SYT1: variants seen among roughly 807,000 people sequenced by gnomAD.
SYT1 encodes synaptotagmin 1, also known as synaptotagmin-1.
Under a neutral mutation model 44.8 loss-of-function variants are expected in SYT1, and 8 were observed. The ratio of observed to expected loss-of-function variants is 0.18; its 90% confidence interval spans 0.10 to 0.32. The LOEUF is 0.32. Among genes scored for constraint, SYT1 ranks in the 10% least tolerant of loss-of-function variants. SYT1 has a pLI of 1.00. For missense variants in SYT1, 286 were observed against 509.3 expected (o/e 0.56, Z 4.22); for synonymous variants, 154 against 188.8 (o/e 0.82, Z 1.51).
chr12:79,277,134 A>G (rs928687417), intron 4 of SYT1, among the ~76,000 whole-genome samples: 1 of 152,218 alleles, frequency 6.6e-6, no homozygotes, highest in Non-Finnish European at 1.5e-5. Context: ...CAAAAAGCTC[A>G]AAGAACTCCT....
chr12:79,003,285 G>A (rs1870861949), intron 2 of SYT1, among the ~76,000 whole-genome samples: 1 of 151,806 alleles, frequency 6.6e-6, no homozygotes, highest in Non-Finnish European at 1.5e-5. Flanking sequence ...GAAATTACTT[G>A]TCTAGAACTG....
intron 9 of SYT1, among the ~76,000 whole-genome samples, chr12:79,386,201 A>G (rs951628934): frequency 2.0e-5 from 3 of 152,210 alleles, no homozygotes; most frequent in African/African-American, 7.2e-5. Context: ...AAGTTATTAG[A>G]TTCTTTACAA....
At chr12:79,254,078 G>A (rs1383451384) in intron 4 of SYT1, among the ~76,000 whole-genome samples, 1 of 152,184 alleles carries the variant, frequency 6.6e-6, no homozygotes, top group Admixed American at 6.5e-5. Context: ...ACTGATGAAG[G>A]TGGCCACACT....
intron 3 of SYT1, among the ~76,000 whole-genome samples, chr12:79,191,081 T>A (rs1426742524): frequency 1.5e-5 from 2 of 131,358 alleles, no homozygotes; most frequent in African/African-American, 2.9e-5. Context: ...TAATTTGTAC[T>A]GAAAAAAACA....
chr12:79,138,694 C>T (rs577106696), intron 3 of SYT1, among the ~76,000 whole-genome samples: 99 of 152,232 alleles, frequency 6.5e-4, no homozygotes, highest in African/African-American at 2.2e-3. Flanking sequence ...CATAAACAAA[C>T]GATGCCTGGC....
intron 9 of SYT1, among the ~76,000 whole-genome samples, chr12:79,397,100 G>A (rs981674395): frequency 1.3e-5 from 2 of 152,178 alleles, no homozygotes; most frequent in African/African-American, 4.8e-5. Context: ...CCAGAACTTG[G>A]CCCAGCACTG....
At chr12:79,311,809 A>G (rs1880812607) in intron 8 of SYT1, among the ~76,000 whole-genome samples, 1 of 143,214 alleles carries the variant, frequency 7.0e-6, no homozygotes, top group East Asian at 2.2e-4. Context: ...ATAGGTGGGA[A>G]TTGAACAATG....
chr12:79,122,175 G>T (rs1228091451), intron 3 of SYT1, among the ~76,000 whole-genome samples: 2 of 152,210 alleles, frequency 1.3e-5, no homozygotes, highest in Non-Finnish European at 2.9e-5. Flanking sequence ...AGAAATAAAA[G>T]ACTGTAGAAA....
At chr12:79,123,941 T>G (rs1481258986) in intron 3 of SYT1, among the ~76,000 whole-genome samples, 1 of 152,204 alleles carries the variant, frequency 6.6e-6, no homozygotes, top group Non-Finnish European at 1.5e-5. Flanking sequence ...AGAAATATAT[T>G]TCCCACCCTG....
chr12:79,174,892 C>T (rs543012696), intron 3 of SYT1, among the ~76,000 whole-genome samples: 1 of 152,032 alleles, frequency 6.6e-6, no homozygotes, highest in Non-Finnish European at 1.5e-5. Context: ...AATGTAGTCA[C>T]AATGCCATCC....
At chr12:79,108,012 A>G (rs1878810587) in intron 3 of SYT1, among the ~76,000 whole-genome samples, 1 of 152,092 alleles carries the variant, frequency 6.6e-6, no homozygotes, top group Non-Finnish European at 1.5e-5. Flanking sequence ...AAATTACTAG[A>G]ATATTGTTAA....
intron 4 of SYT1, among the ~76,000 whole-genome samples, chr12:79,273,021 A>C (rs1305405158): frequency 1.3e-5 from 2 of 152,166 alleles, no homozygotes; most frequent in African/African-American, 4.8e-5. Flanking sequence ...GATAAGAAGA[A>C]AAGACAGTTT....
chr12:78,870,590 A>G (rs113612415), intron 1 of SYT1, among the ~76,000 whole-genome samples: 1 of 152,120 alleles, frequency 6.6e-6, no homozygotes, highest in East Asian at 1.9e-4. Context: ...CATGAGAAGT[A>G]TATAGTCTCC....
chr12:79,039,195 T>C (rs1873344586), intron 2 of SYT1, among the ~76,000 whole-genome samples: 1 of 152,000 alleles, frequency 6.6e-6, no homozygotes, highest in Non-Finnish European at 1.5e-5. Flanking sequence ...ATTTTCTCAA[T>C]GTCAAGCCTG....
At chr12:78,866,592 C>A (rs1248431731) in intron 1 of SYT1, among the ~76,000 whole-genome samples, 1 of 152,092 alleles carries the variant, frequency 6.6e-6, no homozygotes, top group East Asian at 1.9e-4. Context: ...GCTTTCTTTT[C>A]TTATTATTCT....
At chr12:79,264,039 C>T (rs1194520966) in intron 4 of SYT1, among the ~76,000 whole-genome samples, 1 of 152,032 alleles carries the variant, frequency 6.6e-6, no homozygotes, top group Non-Finnish European at 1.5e-5. Flanking sequence ...ATAAAAAGAG[C>T]TTGACAGTTC....
chr12:78,931,238 A>AGGAAGAAAGGAAGAAAGGAAGAAAG (rs1187572734), intron 1 of SYT1, among the ~76,000 whole-genome samples: 1 of 41,120 alleles, frequency 2.4e-5, no homozygotes, highest in African/African-American at 1.1e-4. Flanking sequence ...AAAGAAAGAA[A>AGGAAGAAAGGAAGAAAGGAAGAAAG]GAAGGAAGGA....
At chr12:79,291,358 G>C (rs1289686151) in intron 5 of SYT1, among the ~76,000 whole-genome samples, 2 of 152,140 alleles carry the variant, frequency 1.3e-5, no homozygotes, top group African/African-American at 2.4e-5. Flanking sequence ...ATTCAGCCTA[G>C]CTTTTGGTGG....
intron 8 of SYT1, among the ~76,000 whole-genome samples, chr12:79,341,665 T>C (rs1213419233): frequency 1.6e-5 from 2 of 122,440 alleles, no homozygotes; most frequent in Non-Finnish European, 3.3e-5. Context: ...TCATTCTTTT[T>C]TTTTTTTTTT....
Sources: allele counts gnomAD v4.1 joint callset (sites outside exome capture counted in the v4.1 genomes callset), GRCh38; gene constraint gnomAD v4.1.1; transcripts MANE v1.5; gene names NCBI Gene and HGNC (gene_info 2026-07-23, HGNC 2026-07-21).